CELSR1: variants seen among roughly 807,000 people sequenced by gnomAD.
CELSR1 encodes the protein adhesion G protein-coupled receptor C1.
A neutral mutation model predicts 249.1 loss-of-function variants in CELSR1; 110 were observed. The ratio of observed to expected loss-of-function variants is 0.44; its 90% confidence interval spans 0.38 to 0.52. CELSR1 has a LOEUF of 0.52. CELSR1 is among the 20% of genes least tolerant of loss of function. The pLI is 0.00. For missense variants in CELSR1, 4,109 were observed against 4,296.4 expected (o/e 0.96, Z 1.22); for synonymous variants, 2,113 against 1,900.0 (o/e 1.11, Z -2.92).
At chr22:46,416,530 G>A (rs114086635) in intron 5 of CELSR1, among the ~76,000 whole-genome samples, 1,904 of 152,230 alleles carry the variant, frequency 0.013, 36 homozygotes, top group African/African-American at 0.043. Flanking sequence ...GGCTGCCCAC[G>A]GTACCTCTAC....
rs947903387 is a variant in CELSR1, at chr22:46,428,219, G to A, written c.4611+5174C>T. Among the ~76,000 whole-genome samples, 1 of 152,146 alleles carries A rather than the reference G, an allele frequency of 6.6e-6. No homozygotes were observed. Among genetic ancestry groups the A allele is most frequent in the African/African-American group, 2.4e-5 (1 of 41,424 alleles). On this transcript the variant is annotated intron_variant, in intron 5 of 34. Transcript: ENST00000674500. This position sits in a 1 kb window ranked among gnomAD's most constrained non-coding sequence, Gnocchi z 5.7. Reference sequence around the variant, plus strand: ...TCCGCAGCATGCCAAAGACAGCCCCGCGCCATCTCAGAATCACCAGAACCA... The same window carrying A: ...TCCGCAGCATGCCAAAGACAGCCCCACGCCATCTCAGAATCACCAGAACCA...
At chr22:46,510,932 T>A (rs943609376) in intron 1 of CELSR1, among the ~76,000 whole-genome samples, 3 of 152,122 alleles carry the variant, frequency 2.0e-5, no homozygotes, top group African/African-American at 7.2e-5. Context: ...CTGGCCAACA[T>A]GGCAAAACCC....
chr22:46,513,917 C>CCG (rs2080599898), intron 1 of CELSR1, among the ~76,000 whole-genome samples: 1 of 151,980 alleles, frequency 6.6e-6, no homozygotes, highest in African/African-American at 2.4e-5. Context: ...CTCAGCCCCC[C>CCG]CCGAGTAGCT....
rs763384475 is a variant in CELSR1, at chr22:46,472,654, C to T, written c.3545-8309G>A. Among the ~76,000 whole-genome samples the T allele has an allele frequency of 6.6e-6, 1 of 152,184 alleles. No individual in the cohort carries two copies. The highest frequency in any genetic ancestry group is 1.9e-4 in the East Asian group (1 of 5,194). On this transcript the variant is annotated intron_variant, in intron 1 of 34. Coordinates refer to ENST00000674500, the MANE Select transcript of CELSR1 (RefSeq NM_001378328.1). This position sits in a 1 kb window ranked among gnomAD's most constrained non-coding sequence, Gnocchi z 7.0. ...TCCCGGGGCCGTCGGAGCAAAGGGC[C>T]GCCGCTGCATCACCAATACAGGACA...
intron 1 of CELSR1, among the ~76,000 whole-genome samples, chr22:46,477,600 C>T (rs932007575): frequency 4.0e-5 from 6 of 151,008 alleles, no homozygotes; most frequent in African/African-American, 7.3e-5. Flanking sequence ...CTCCACCTCC[C>T]GAGTTCAAGC....
intron 9 of CELSR1, among the ~76,000 whole-genome samples, chr22:46,404,411 CAAAAAAAAAAGAAAAAGA>C (rs909575729): frequency 5.6e-5 from 8 of 142,772 alleles, no homozygotes; most frequent in Non-Finnish European, 7.7e-5. Context: ...GACTCCATTT[CAAAAAAAAAAGAAAAAGA>C]AAAAAGAAAA....
In CELSR1 at chr22:46,473,864, C is replaced by T. The variant is rs1208807546; in HGVS notation, c.3545-9519G>A. The stretch of plus-strand genomic sequence containing the variant: ...CCAGATTGGGGCCAGACAACAGGTG[C>T]GATGTGTTGATCCTGCTACCTGAGG... On this transcript the variant is annotated intron_variant, in intron 1 of 34. Transcript: ENST00000674500. This position sits in a 1 kb window ranked among gnomAD's most constrained non-coding sequence, Gnocchi z 6.6. Among the ~76,000 whole-genome samples, 7 of 152,078 alleles carry T rather than the reference C, an allele frequency of 4.6e-5. No individual in the cohort carries two copies. The highest frequency in any genetic ancestry group is 7.4e-5 in the Non-Finnish European group (5 of 68,014).
At chr22:46,420,406 G>A (rs887556180) in intron 5 of CELSR1, among the ~76,000 whole-genome samples, 29 of 150,774 alleles carry the variant, frequency 1.9e-4, no homozygotes, top group African/African-American at 6.1e-4. Flanking sequence ...ACATTTACAC[G>A]TGTGCTTCTT....
In CELSR1 at chr22:46,535,783, T is replaced by A. The variant is rs1043945897; in HGVS notation, c.1388A>T (p.Asn463Ile). 2.5e-6 allele frequency: 4 copies of A among 1,612,476 alleles called. No individual in the cohort carries two copies. The highest frequency in any genetic ancestry group is 3.4e-6 in the Non-Finnish European group (4 of 1,179,992). The change falls in exon 1 of 35, where the codon AAC becomes ATC. Residue 463 changes from asparagine (N) to isoleucine (I), a missense_variant. By Grantham distance (149) the Asn-to-Ile change is moderately radical (BLOSUM62 -3). Transcript: ENST00000674500. The stretch of plus-strand genomic sequence containing the variant: ...GTCCTCGGGCACCTGGACCACGTAG[T>A]TCTGCTCGCTGAACTGGGGGTAGTT... ...NDNYPQFSEQ[N>I]YVVQVPEDVG...
chr22:46,383,650 C>G (rs1188438258), intron 20 of CELSR1, among the ~76,000 whole-genome samples: 1 of 152,200 alleles, frequency 6.6e-6, no homozygotes, highest in African/African-American at 2.4e-5. Flanking sequence ...CCTCAGCCTC[C>G]TGAGTAGGTG....
In CELSR1 at chr22:46,434,423, C is replaced by T. The variant is rs769627168; in HGVS notation, c.4523-942G>A. 6.6e-6 allele frequency among the ~76,000 whole-genome samples: 1 copy of T among 152,206 alleles called. No individual in the cohort carries two copies. Among genetic ancestry groups the T allele is most frequent in the Non-Finnish European group, 1.5e-5 (1 of 68,040 alleles). On this transcript the variant is annotated intron_variant, in intron 4 of 34. Transcript: ENST00000674500. This position sits in a 1 kb window ranked among gnomAD's most constrained non-coding sequence, Gnocchi z 4.9. ...GCAGAGAATACCGTCTCCAGGGAAC[C>T]AGCAGGAGTTCTGGAAACGGGTGTG...
At position 46,439,340 on chromosome 22, in the gene CELSR1, C is replaced by G. The variant is rs535995571; in HGVS notation, c.4255G>C (p.Val1419Leu). ...TGGAAGCCGCCGATGAGCAGGTTCACGCAGGTGCCCCCGTTCTTGCACACC... is the reference window on the plus strand; with the variant it reads ...TGGAAGCCGCCGATGAGCAGGTTCAGGCAGGTGCCCCCGTTCTTGCACACC... ...NGVCKNGGTC[V>L]NLLIGGFHCV... is the part of the protein sequence containing the mutation. Residue 1419 changes from valine (V) to leucine (L), a missense_variant, in exon 3 of 35, where the codon GTG becomes CTG. Physicochemically the swap from Val to Leu is conservative, Grantham distance 32. Coordinates refer to ENST00000674500, the MANE Select transcript of CELSR1 (RefSeq NM_001378328.1). 6.2e-7 allele frequency: 1 copy of G among 1,614,046 alleles called. No homozygotes were observed. The highest frequency in any genetic ancestry group is 8.5e-7 in the Non-Finnish European group (1 of 1,179,966).
intron 1 of CELSR1, among the ~76,000 whole-genome samples, chr22:46,513,553 C>CT (rs11404087): frequency 0.31 from 47,051 of 151,944 alleles, 8,067 homozygotes; most frequent in African/African-American, 0.48. Context: ...GTGGGGAGGC[C>CT]TTAGGTTTAC....
Position 46,499,694 on chromosome 22 carries a change from A to G in CELSR1, c.3544+33933T>C, listed in dbSNP as rs571564111. ...GTCCCTACCACAGGAGATTTTGCAGAATTTTCTCAAACTGTATCGAGGCAG... is the reference window on the plus strand; with the variant it reads ...GTCCCTACCACAGGAGATTTTGCAGGATTTTCTCAAACTGTATCGAGGCAG... On this transcript the variant is annotated intron_variant, in intron 1 of 34. Coordinates refer to ENST00000674500, the MANE Select transcript of CELSR1 (RefSeq NM_001378328.1). Among the ~76,000 whole-genome samples the G allele has an allele frequency of 2.6e-5, 4 of 152,236 alleles. No homozygotes were observed. The East Asian group carries it at 7.7e-4, about 29-fold the overall frequency.
chr22:46,529,101 T>C (rs2080767176), intron 1 of CELSR1, among the ~76,000 whole-genome samples: 1 of 151,160 alleles, frequency 6.6e-6, no homozygotes, highest in Admixed American at 6.6e-5. Flanking sequence ...CCGTCTCTAC[T>C]AAAAATACAA....
chr22:46,381,819 C>CCCGTGTG lies in CELSR1; in HGVS notation c.7088+20_7088+26dup. Reference sequence around the variant, plus strand: ...TCAGGAGCCTCCAGAACGGGCCCTCCCCGTGTGCCCCGTGCCCAGGCCTTA... The same window carrying CCCGTGTG: ...TCAGGAGCCTCCAGAACGGGCCCTCCCCGTGTGCCGTGTGCCCCGTGCCCAGGCCTTA... On this transcript the variant is annotated intron_variant, in intron 21 of 34. Transcript: ENST00000674500. The surrounding 1 kb of genome is among the most constrained non-coding windows in gnomAD (Gnocchi z 6.0). 1 of 1,534,516 alleles carries CCCGTGTG rather than the reference C, an allele frequency of 6.5e-7. No homozygotes were observed. The highest frequency in any genetic ancestry group is 8.7e-7 in the Non-Finnish European group (1 of 1,143,000).
intron 4 of CELSR1, among the ~76,000 whole-genome samples, chr22:46,435,215 G>T (rs185326047): frequency 6.8e-6 from 1 of 146,220 alleles, no homozygotes; most frequent in Non-Finnish European, 1.5e-5. Context: ...GCCTCTCAAA[G>T]TGCTAGGATT....
chr22:46,395,178 G>A lies in CELSR1; in HGVS notation c.5844-916C>T, dbSNP rs553946412. Among the ~76,000 whole-genome samples the A allele has an allele frequency of 3.8e-4, 57 of 149,486 alleles. No homozygotes were observed. The highest frequency in any genetic ancestry group is 7.9e-4 in the Non-Finnish European group (53 of 67,254). On this transcript the variant is annotated intron_variant, in intron 13 of 34. Coordinates refer to ENST00000674500, the MANE Select transcript of CELSR1 (RefSeq NM_001378328.1). The surrounding 1 kb of genome is among the most constrained non-coding windows in gnomAD (Gnocchi z 5.5). The stretch of plus-strand genomic sequence containing the variant: ...GCGTTTATGGATGTGTGTGTGCAGC[G>A]TGGGGGCCCCAGAACCTTCATCCCC...
rs773936559 is a variant in CELSR1 at position 46,369,707 on chromosome 22, G to T, written c.7857C>A (p.Ile2619=). The T allele has an allele frequency of 6.2e-7, 1 of 1,613,444 alleles. No homozygotes were observed. The highest frequency in any genetic ancestry group is 1.1e-5 in the South Asian group (1 of 91,082). The stretch of plus-strand genomic sequence containing the variant: ...CCACACTCACGATTATAACAGCTCC[G>T]ATGGGCCCCGCAAAGCTCCAAATCA... ...DTLIWSFAGP[I]GAVIIINTVT... Residue 2619 remains isoleucine (I), a synonymous_variant, in exon 26 of 35, where the codon ATC becomes ATA. Transcript: ENST00000674500.
Sources: allele counts gnomAD v4.1 joint callset (sites outside exome capture counted in the v4.1 genomes callset), GRCh38; gene constraint gnomAD v4.1.1; non-coding constraint Gnocchi (gnomAD v3.1); transcripts MANE v1.5; gene names NCBI Gene and HGNC (gene_info 2026-07-23, HGNC 2026-07-21).